The following NAA38 variants were observed in gnomAD, a reference collection of about 807,000 sequenced individuals.
NAA38 encodes N-alpha-acetyltransferase 38, NatC auxiliary subunit.
NAA38 carries 15 observed loss-of-function variants against 12.6 expected under a neutral mutation model. The observed-to-expected ratio is 1.19, with a 90% CI of 0.79 to 1.83. The LOEUF (loss-of-function observed/expected upper bound fraction) is 1.83. NAA38 is among the 40% of genes most tolerant of loss of function. The pLI is 0.00. For missense variants in NAA38, 183 were observed against 171.7 expected, an observed-to-expected ratio of 1.07 and a Z score of -0.37; for synonymous variants, 88 against 69.9, an observed-to-expected ratio of 1.26 and a Z score of -1.29.
At chr17:7,885,037 G>GCCA in intron 1 of NAA38, 3 of 1,120,252 alleles carry the variant, frequency 2.7e-6, no homozygotes, top group Non-Finnish European at 2.2e-6. Flanking sequence ...CGCCGCCGCC[G>GCCA]CCGCCGCCGC....
Position 7,870,483 on chromosome 17 carries a change from C to A in NAA38, c.-65-3925G>T, listed in dbSNP as rs1001779731. Among the ~76,000 whole-genome samples, 11 of 152,094 alleles carry A rather than the reference C, an allele frequency of 7.2e-5. No individual in the cohort carries two copies. In the East Asian group the frequency reaches 2.1e-3, roughly 29 times the overall value. On this transcript the variant is annotated intron_variant, in intron 2 of 4. Transcript: ENST00000576861. ...TTTAATCAATTAAAAAACAAAAAAT[C>A]TTTTAATCGAAAAGATATATTGCAG...
chr17:7,858,609 C>G, upstream of NAA38: 1 of 1,605,126 alleles, frequency 6.2e-7, no homozygotes, highest in Non-Finnish European at 8.5e-7. Context: ...TTTAAAGATC[C>G]GCAAGCACAT....
chr17:7,859,422 A>G (rs960996252), upstream of NAA38: 6 of 1,614,012 alleles, frequency 3.7e-6, no homozygotes, highest in African/African-American at 2.7e-5. Flanking sequence ...CTACACCGCT[A>G]TCTCCCCTAT....
At chr17:7,865,053 C>A (rs1966940147) in intron 3 of NAA38, 1 of 152,034 alleles carries the variant, frequency 6.6e-6, no homozygotes, top group African/African-American at 2.4e-5. Context: ...CATACACATA[C>A]CTATATATAA....
chr17:7,857,820 C>T (rs2078842274), upstream of NAA38: 3 of 1,340,890 alleles, frequency 2.2e-6, no homozygotes, highest in South Asian at 3.6e-5. Context: ...GTAGCCCAGG[C>T]CACTGAATTA....
intron 2 of NAA38, among the ~76,000 whole-genome samples, chr17:7,874,602 T>C (rs1398604262): frequency 6.6e-6 from 1 of 151,992 alleles, no homozygotes; most frequent in Non-Finnish European, 1.5e-5. Flanking sequence ...AGATAAAGAA[T>C]TAGCCAGGTG....
upstream of NAA38, chr17:7,859,592 G>A: frequency 1.2e-6 from 2 of 1,614,052 alleles, no homozygotes; most frequent in Non-Finnish European, 1.7e-6. Flanking sequence ...GTACTTCAAT[G>A]ATGATCTCAC....
chr17:7,885,310 G>GCCGCACCCCT (rs1555603822), upstream of NAA38: 1 of 102,782 alleles, frequency 9.7e-6, no homozygotes. Flanking sequence ...CCCCTCCCCC[G>GCCGCACCCCT]CCGCCGCCGC....
upstream of NAA38, chr17:7,858,894 A>T: frequency 7.3e-7 from 1 of 1,377,148 alleles, no homozygotes. Flanking sequence ...GCCGATCTTC[A>T]GGGCAACATT....
chr17:7,884,930 G>T, intron 1 of NAA38: 1 of 1,409,076 alleles, frequency 7.1e-7, no homozygotes, highest in Non-Finnish European at 9.3e-7. Context: ...GGCCGACGAG[G>T]ACGATGAGGA....
At chr17:7,864,989 A>C (rs1966938624) in intron 3 of NAA38, 1 of 152,178 alleles carries the variant, frequency 6.6e-6, no homozygotes, top group Non-Finnish European at 1.5e-5. Context: ...AGGCATGTAA[A>C]AGTTTCCGAT....
upstream of NAA38, chr17:7,858,964 C>A: frequency 2.6e-6 from 2 of 766,944 alleles, no homozygotes; most frequent in Non-Finnish European, 4.0e-6. Context: ...CTGAGGAAAG[C>A]ACAGCACCTA....
chr17:7,870,070 AT>A (rs1967059960), intron 2 of NAA38, among the ~76,000 whole-genome samples: 1 of 152,192 alleles, frequency 6.6e-6, no homozygotes, highest in Non-Finnish European at 1.5e-5. Context: ...TTTGTATAGG[AT>A]TATTCAGTTT....
chr17:7,873,794 A>G (rs1967127344), intron 2 of NAA38, among the ~76,000 whole-genome samples: 1 of 152,340 alleles, frequency 6.6e-6, no homozygotes, highest in Admixed American at 6.5e-5. Context: ...GAGTTCTCAT[A>G]TGATAATCTA....
chr17:7,858,650 C>T (rs1167452577), upstream of NAA38: 3 of 1,608,786 alleles, frequency 1.9e-6, no homozygotes, highest in Non-Finnish European at 1.7e-6. Flanking sequence ...TGAGGTACTG[C>T]ACCCCGCGGG....
chr17:7,873,835 A>G (rs1423279948), intron 2 of NAA38, among the ~76,000 whole-genome samples: 1 of 152,224 alleles, frequency 6.6e-6, no homozygotes, highest in Non-Finnish European at 1.5e-5. Context: ...TTTTCTATCC[A>G]TTATGATATT....
chr17:7,869,845 G>A (rs959147778), intron 2 of NAA38, among the ~76,000 whole-genome samples: 3 of 152,214 alleles, frequency 2.0e-5, no homozygotes, highest in Admixed American at 1.3e-4. Context: ...CAAGTGAAGG[G>A]GTAAGAGGAA....
At chr17:7,867,276 T>C (rs1009958867) in intron 2 of NAA38, among the ~76,000 whole-genome samples, 2 of 151,920 alleles carry the variant, frequency 1.3e-5, no homozygotes, top group African/African-American at 4.8e-5. Context: ...TTTTTTTTAA[T>C]TGAGACATAA....
At chr17:7,885,076 G>A in intron 1 of NAA38, 1 of 983,784 alleles carries the variant, frequency 1.0e-6, no homozygotes, top group Non-Finnish European at 1.2e-6. Flanking sequence ...CGCCGCCCCC[G>A]CCGCCAGGTA....
Sources: allele counts gnomAD v4.1 joint callset (sites outside exome capture counted in the v4.1 genomes callset), GRCh38; gene constraint gnomAD v4.1.1; transcripts MANE v1.5; gene names NCBI Gene and HGNC (gene_info 2026-07-23, HGNC 2026-07-21).